SGPP2: variants seen among roughly 807,000 people sequenced by gnomAD.
SGPP2 encodes the protein sphingosine 1-phosphate phosphohydrolase 2.
In SGPP2, 30 loss-of-function variants were observed where a neutral mutation model predicts 33.9. That is an observed-to-expected ratio of 0.89 (90% CI 0.66 to 1.20). The LOEUF (loss-of-function observed/expected upper bound fraction) is 1.20. Ranked by LOEUF, SGPP2 falls within the 50% of genes most tolerant of loss-of-function variation. SGPP2 has a pLI of 0.00. For missense variants in SGPP2, 458 were observed against 532.1 expected, an observed-to-expected ratio of 0.86 and a Z score of 1.37; for synonymous variants, 233 against 225.0, an observed-to-expected ratio of 1.04 and a Z score of -0.32.
chr2:222,483,756 C>G (rs1475982094), intron 2 of SGPP2, among the ~76,000 whole-genome samples: 1 of 152,168 alleles, frequency 6.6e-6, no homozygotes, highest in Non-Finnish European at 1.5e-5. Context: ...ATTCACAATC[C>G]TTAGACTGGG....
At chr2:222,472,628 A>T (rs1220905967) in intron 1 of SGPP2, among the ~76,000 whole-genome samples, 1 of 152,208 alleles carries the variant, frequency 6.6e-6, no homozygotes, top group Non-Finnish European at 1.5e-5. Context: ...TTATGCCTAC[A>T]TCTTAGCAGA....
intron 3 of SGPP2, 107 bp downstream of exon 3, chr2:222,522,053 A>T: frequency 2.0e-6 from 2 of 1,024,480 alleles, no homozygotes; most frequent in Non-Finnish European, 2.7e-6. Context: ...AAGGTTTATG[A>T]AATAAAGATT....
At chr2:222,532,612 C>T (rs1698855345) in intron 4 of SGPP2, among the ~76,000 whole-genome samples, 2 of 152,214 alleles carry the variant, frequency 1.3e-5, no homozygotes, top group African/African-American at 4.8e-5. Context: ...CCCAGCTCCT[C>T]CCTTCCCACA....
chr2:222,493,695 C>T (rs545727509), intron 2 of SGPP2, among the ~76,000 whole-genome samples: 3 of 152,306 alleles, frequency 2.0e-5, no homozygotes, highest in East Asian at 1.9e-4. Flanking sequence ...TCTACATTTA[C>T]GTATGATGAA....
rs189136447 is a variant in SGPP2 at position 222,445,010 on chromosome 2, A to G, written c.219+20189A>G. Among the ~76,000 whole-genome samples, 9 of 152,350 alleles carry G rather than the reference A, an allele frequency of 5.9e-5. No homozygotes were observed. The East Asian group carries it at 1.3e-3, about 23-fold the overall frequency. ...CTGACCAGACCCCGACCCAGGAGAC[A>G]GTTAACTGTCCAGGGACCAGGAAGA... On this transcript the variant is annotated intron_variant, in intron 1 of 4. Coordinates refer to ENST00000321276, the MANE Select transcript of SGPP2 (RefSeq NM_152386.4).
intron 4 of SGPP2, among the ~76,000 whole-genome samples, chr2:222,535,384 A>AC (rs1228609494): frequency 7.1e-6 from 1 of 140,486 alleles, no homozygotes; most frequent in African/African-American, 2.7e-5. Context: ...TCTCAAAAAA[A>AC]AAAAAAAAGC....
At chr2:222,525,979 G>A (rs1574878168) in intron 4 of SGPP2, among the ~76,000 whole-genome samples, 1 of 152,314 alleles carries the variant, frequency 6.6e-6, no homozygotes, top group East Asian at 1.9e-4. Flanking sequence ...AGAGGCCGAA[G>A]TAACTCAGAG....
At position 222,424,718 on chromosome 2, in the gene SGPP2, C is replaced by T. The variant is rs1268851199; in HGVS notation, c.116C>T (p.Thr39Met). The part of the protein sequence containing the change: ...EGPRENGADP[T>M]ERAARVPGVE... ...CCCCGGGAGAACGGCGCGGACCCCA[C>T]GGAGCGCGCGGCGCGGGTCCCCGGG... is the stretch of plus-strand genomic sequence containing the variant. The change falls in exon 1 of 5, where the codon ACG (threonine) becomes ATG (methionine). Residue 39 changes from threonine to methionine, a missense_variant. Thr to Met is a moderately conservative substitution (Grantham distance 81). Transcript: ENST00000321276. 1.4e-6 allele frequency: 2 copies of T among 1,439,348 alleles called. No individual in the cohort carries two copies. The highest frequency in any genetic ancestry group is 3.1e-5 in the East Asian group (1 of 32,540). The allele number at this position is 1,439,348 out of a possible 1,614,324, so 89.2% of individuals were successfully genotyped here.
At chr2:222,474,452 C>T (rs1179604276) in intron 1 of SGPP2, 116 bp from the exon 2 acceptor site, 4 of 837,772 alleles carry the variant, frequency 4.8e-6, no homozygotes, top group Non-Finnish European at 7.5e-6. Context: ...ACCTTAATAA[C>T]ATAATGGGAG....
In SGPP2 at chr2:222,524,976, G is replaced by T. The variant is rs768494106; in HGVS notation, c.591G>T (p.Val197=). ...TTGTGTTGGGACTGGTGATGGCCGT[G>T]GTGTTTTCCACCTTGGTGTGTCTCA... The part of the protein sequence containing the change: ...YPFVLGLVMA[V]VFSTLVCLSR... Residue 197 remains valine (V), a synonymous_variant, in exon 4 of 5, where the codon GTG becomes GTT. Coordinates refer to ENST00000321276, the MANE Select transcript of SGPP2 (RefSeq NM_152386.4). The T allele has an allele frequency of 1.2e-6, 2 of 1,613,828 alleles. No homozygotes were observed. The highest frequency in any genetic ancestry group is 2.7e-5 in the African/African-American group (2 of 74,860).
At chr2:222,527,876 C>G (rs1240400967) in intron 4 of SGPP2, among the ~76,000 whole-genome samples, 2 of 152,108 alleles carry the variant, frequency 1.3e-5, no homozygotes, top group Non-Finnish European at 2.9e-5. Context: ...TATTCAGCAG[C>G]AACTTAATCA....
At chr2:222,453,128 G>T in intron 1 of SGPP2, 1 of 819,564 alleles carries the variant, frequency 1.2e-6, no homozygotes, top group African/African-American at 1.7e-5. Context: ...TCAGATCCAT[G>T]GAGGAAGGAA....
chr2:222,527,777 G>A (rs921318253), intron 4 of SGPP2, among the ~76,000 whole-genome samples: 2 of 152,224 alleles, frequency 1.3e-5, no homozygotes, highest in African/African-American at 4.8e-5. Context: ...CCAGAGAATG[G>A]CCTAGGGTGC....
intron 2 of SGPP2, among the ~76,000 whole-genome samples, chr2:222,503,189 A>G (rs187201470): frequency 1.2e-3 from 179 of 152,326 alleles, no homozygotes; most frequent in Middle Eastern, 3.4e-3. Flanking sequence ...AAAAACAACC[A>G]AATAATAGAA....
chr2:222,555,192 G>GT (rs1169491552), intron 4 of SGPP2, among the ~76,000 whole-genome samples: 2 of 152,316 alleles, frequency 1.3e-5, no homozygotes, highest in East Asian at 3.9e-4. Flanking sequence ...TCAGTAGTGT[G>GT]TTGCTTTTTA....
At chr2:222,454,754 G>A (rs866613482) in intron 1 of SGPP2, among the ~76,000 whole-genome samples, 1 of 151,332 alleles carries the variant, frequency 6.6e-6, no homozygotes, top group East Asian at 1.9e-4. Context: ...AAAAAAACAG[G>A]CCAATTTGAA....
At chr2:222,522,243 G>C (rs1021209041) in intron 3 of SGPP2, among the ~76,000 whole-genome samples, 4 of 152,198 alleles carry the variant, frequency 2.6e-5, no homozygotes, top group African/African-American at 9.7e-5. Flanking sequence ...TATCACCCTG[G>C]GCTGCCTGAT....
chr2:222,445,668 C>T (rs934239147), intron 1 of SGPP2, among the ~76,000 whole-genome samples: 1 of 149,818 alleles, frequency 6.7e-6, no homozygotes, highest in Non-Finnish European at 1.5e-5. Flanking sequence ...ACGATTAGAC[C>T]ATACAGAGCT....
intron 2 of SGPP2, among the ~76,000 whole-genome samples, chr2:222,488,743 G>T (rs1056653079): frequency 5.9e-5 from 9 of 152,092 alleles, no homozygotes; most frequent in African/African-American, 9.7e-5. Flanking sequence ...AGCTTAGGGG[G>T]ATGTGTGTGT....
Sources: allele counts gnomAD v4.1 joint callset (sites outside exome capture counted in the v4.1 genomes callset), GRCh38; gene constraint gnomAD v4.1.1; transcripts MANE v1.5; gene names NCBI Gene and HGNC (gene_info 2026-07-23, HGNC 2026-07-21).